APOBEC3F: variants seen among roughly 807,000 people sequenced by gnomAD.
APOBEC3F encodes DNA dC->dU-editing enzyme APOBEC-3F.
A neutral mutation model predicts 45.8 loss-of-function variants in APOBEC3F; 34 were observed. That is an observed-to-expected ratio of 0.74 (90% confidence interval 0.57 to 0.99). The LOEUF (loss-of-function observed/expected upper bound fraction) is 0.99, where lower values mean the gene tolerates loss of function less well. APOBEC3F is among the 50% of genes least tolerant of loss of function. The pLI, the probability that APOBEC3F is intolerant of heterozygous loss-of-function variation, is 0.00. For synonymous variants in APOBEC3F, 192 were observed against 174.4 expected, an observed-to-expected ratio of 1.10 and a Z score of -0.80; for missense variants, 459 against 474.1, an observed-to-expected ratio of 0.97 and a Z score of 0.30.
chr22:39,044,957 A>G lies in APOBEC3F; in HGVS notation c.188A>G (p.Glu63Gly). ...IFRGQVYSQPEHHAEMCFLSW... is the reference protein window; with the variant it reads ...IFRGQVYSQPGHHAEMCFLSW... ...CTCTCCCAGGTGTATTCCCAGCCTG[A>G]GCACCACGCAGAAATGTGCTTCCTC... The change falls in exon 3 of 7, where the codon GAG becomes GGG. Residue 63 changes from glutamate to glycine, a missense_variant. Coordinates refer to ENST00000308521, the MANE Select transcript of APOBEC3F (RefSeq NM_145298.6). 6.2e-7 allele frequency: 1 copy of G among 1,613,612 alleles called. No homozygotes were observed. Among genetic ancestry groups the G allele is most frequent in the Non-Finnish European group, 8.5e-7 (1 of 1,179,940 alleles).
At chr22:39,048,859 C>T (rs1569072012) in intron 4 of APOBEC3F, among the ~76,000 whole-genome samples, 1 of 152,086 alleles carries the variant, frequency 6.6e-6, no homozygotes, top group East Asian at 1.9e-4. Context: ...GTGACACAAG[C>T]TCGTAATCCC....
At chr22:39,043,739 GCT>G in intron 2 of APOBEC3F, among the ~76,000 whole-genome samples, 4 of 151,810 alleles carry the variant, frequency 2.6e-5, no homozygotes, top group African/African-American at 9.7e-5. Context: ...TGTAGGCCAC[GCT>G]TGGTGGGTGG....
At position 39,055,024 on chromosome 22, in the gene APOBEC3F, C is replaced by T. The variant is rs1217324002; in HGVS notation, c.*2329C>T. 1.3e-5 allele frequency among the ~76,000 whole-genome samples: 2 copies of T among 151,784 alleles called. No individual in the cohort carries two copies. The highest frequency in any genetic ancestry group is 2.9e-5 in the Non-Finnish European group (2 of 68,006). ...CCCTTCTGGCTGTGTCCTCTGTGGC[C>T]TTTCCTCTATGAACCTGTACTGTAC... is the stretch of plus-strand genomic sequence containing the variant. On this transcript the variant is annotated 3_prime_UTR_variant, in exon 7 of 7. Coordinates refer to ENST00000308521, the MANE Select transcript of APOBEC3F (RefSeq NM_145298.6).
chr22:39,053,028 C>G lies in APOBEC3F; in HGVS notation c.*333C>G, dbSNP rs1193808888. 1 of 202,086 alleles carries G rather than the reference C, an allele frequency of 4.9e-6. No individual in the cohort carries two copies. The highest frequency in any genetic ancestry group is 5.5e-5 in the Admixed American group (1 of 18,100). The allele number at this position is 202,086 out of a possible 1,614,324, so 12.5% of individuals were successfully genotyped here. ...TTGAGACGGAATTTCGCTCTGTCAC[C>G]CAGACTGGAGTGCAATGGCTTGATC... On this transcript the variant is annotated 3_prime_UTR_variant, in exon 7 of 7. Transcript: ENST00000308521.
chr22:39,044,282 G>A lies in APOBEC3F; in HGVS notation c.172-659G>A, dbSNP rs374666730. 1.2e-4 allele frequency: 188 copies of A among 1,549,544 alleles called. No individual in the cohort carries two copies. The Middle Eastern group carries it at 5.4e-3, about 45-fold the overall frequency. The stretch of plus-strand genomic sequence containing the variant: ...TGGATGCCTGGGAGAATGGATGCCA[G>A]AATTCACGCATGAGGCTCTGAACAG... On this transcript the variant is annotated intron_variant, in intron 2 of 6. Transcript: ENST00000308521.
chr22:39,052,475 C>T (rs1416753217), intron 6 of APOBEC3F, 102 bp from the exon 7 acceptor site: 1 of 1,569,016 alleles, frequency 6.4e-7, no homozygotes, highest in East Asian at 2.2e-5. Flanking sequence ...CGCCAGTGTC[C>T]ACTGCAACTG....
In APOBEC3F at chr22:39,052,891, T is replaced by C; in HGVS notation, c.*196T>C. Reference sequence around the variant, plus strand: ...CAGGCTCTTCCTGCAGAGGCCTCTTTCTGCCTCCATGGCTATCCATCCACC... The same window carrying C: ...CAGGCTCTTCCTGCAGAGGCCTCTTCCTGCCTCCATGGCTATCCATCCACC... On this transcript the variant is annotated 3_prime_UTR_variant, in exon 7 of 7. Coordinates refer to ENST00000308521, the MANE Select transcript of APOBEC3F (RefSeq NM_145298.6). 1 of 1,284,002 alleles carries C rather than the reference T, an allele frequency of 7.8e-7. No individual in the cohort carries two copies. The highest frequency in any genetic ancestry group is 1.0e-6 in the Non-Finnish European group (1 of 990,900). The allele number at this position is 1,284,002 out of a possible 1,614,324, so 79.5% of individuals were successfully genotyped here. A position where few individuals can be genotyped will look rare whatever the true frequency, so the allele number is the denominator to read the frequency against.
chr22:39,045,201 G>T lies in APOBEC3F; in HGVS notation c.432G>T (p.Val144=). Residue 144 remains valine, a synonymous_variant, in exon 3 of 7, where the codon GTG becomes GTT. Transcript: ENST00000308521. ...LCRLSQAGAR[V]KIMDDEEFAY... is the part of the protein sequence containing the mutation. ...GGCTGAGTCAGGCAGGGGCCCGCGT[G>T]AAGATTATGGACGATGAAGGTGAGA... 6.2e-7 allele frequency: 1 copy of T among 1,614,162 alleles called. No individual in the cohort carries two copies. The highest frequency in any genetic ancestry group is 8.5e-7 in the Non-Finnish European group (1 of 1,180,012).
At position 39,043,606 on chromosome 22, in the gene APOBEC3F, G is replaced by A. The variant is rs112213555; in HGVS notation, c.171+516G>A. On this transcript the variant is annotated intron_variant, in intron 2 of 6. Coordinates refer to ENST00000308521, the MANE Select transcript of APOBEC3F (RefSeq NM_145298.6). Reference sequence around the variant, plus strand: ...ATTACAGGTGTGAGCCACAGCGCCGGCCTAATTTTAATATTTAATTAATCC... The same window carrying A: ...ATTACAGGTGTGAGCCACAGCGCCGACCTAATTTTAATATTTAATTAATCC... Among the ~76,000 whole-genome samples the A allele has an allele frequency of 5.7e-3, 864 of 151,312 alleles. 4 individuals are homozygous for A. The highest frequency in any genetic ancestry group is 0.02 in the African/African-American group (827 of 41,268).
intron 4 of APOBEC3F, among the ~76,000 whole-genome samples, chr22:39,047,631 T>G (rs2146346202): frequency 6.6e-6 from 1 of 151,978 alleles, no homozygotes; most frequent in Admixed American, 6.5e-5. Context: ...CCCCTCTGGT[T>G]CCTCTGCTGC....
intron 3 of APOBEC3F, 47 bp downstream of exon 3, chr22:39,045,267 G>C: frequency 6.2e-7 from 1 of 1,600,588 alleles, no homozygotes; most frequent in Non-Finnish European, 8.5e-7. Context: ...GGAACAGCAT[G>C]AAAGATGGAT....
chr22:39,050,113 G>A (rs1485988623), intron 5 of APOBEC3F, among the ~76,000 whole-genome samples: 43 of 151,968 alleles, frequency 2.8e-4, no homozygotes, highest in South Asian at 1.7e-3. Flanking sequence ...AGCGCCCAGC[G>A]CCCTCACTCT....
chr22:39,044,959 C>T lies in APOBEC3F; in HGVS notation c.190C>T (p.His64Tyr), dbSNP rs1216766862. ...CTCCCAGGTGTATTCCCAGCCTGAG[C>T]ACCACGCAGAAATGTGCTTCCTCTC... ...FRGQVYSQPE[H>Y]HAEMCFLSWF... Residue 64 changes from histidine (H) to tyrosine (Y), a missense_variant, in exon 3 of 7, where the codon CAC becomes TAC. Transcript: ENST00000308521. The T allele has an allele frequency of 3.1e-6, 5 of 1,613,956 alleles. No homozygotes were observed. The Admixed American group carries it at 5.0e-5, about 16-fold the overall frequency.
At chr22:39,045,266 T>G in intron 3 of APOBEC3F, 46 bp downstream of exon 3, 1 of 1,600,900 alleles carries the variant, frequency 6.2e-7, no homozygotes, top group Non-Finnish European at 8.5e-7. Context: ...AGGAACAGCA[T>G]GAAAGATGGA....
At chr22:39,046,516 G>C (rs1261297576) in intron 4 of APOBEC3F, among the ~76,000 whole-genome samples, 4 of 152,062 alleles carry the variant, frequency 2.6e-5, no homozygotes, top group Admixed American at 2.6e-4. Flanking sequence ...ACCCAGCCCG[G>C]CCTCTGCTCA....
intron 5 of APOBEC3F, among the ~76,000 whole-genome samples, chr22:39,051,498 C>G (rs983726054): frequency 2.1e-5 from 3 of 145,790 alleles, no homozygotes; most frequent in African/African-American, 7.7e-5. Context: ...GATCGCGCCA[C>G]TGCACTACAG....
Position 39,054,099 on chromosome 22 carries a change from G to A in APOBEC3F, c.*1404G>A, listed in dbSNP as rs575277955. On this transcript the variant is annotated 3_prime_UTR_variant, in exon 7 of 7. Transcript: ENST00000308521. ...GCGGTCTCGGCTCACTGCAACCTCTGCCTCCCTTGTTCAAGTGATTCTCCT... is the reference window on the plus strand; with the variant it reads ...GCGGTCTCGGCTCACTGCAACCTCTACCTCCCTTGTTCAAGTGATTCTCCT... Among the ~76,000 whole-genome samples the A allele has an allele frequency of 9.1e-3, 1,376 of 151,738 alleles. 25 individuals carry two copies. Among genetic ancestry groups the A allele is most frequent in the African/African-American group, 0.031 (1,296 of 41,366 alleles).
chr22:39,045,433 G>T lies in APOBEC3F; in HGVS notation c.457G>T (p.Ala153Ser). 6.2e-7 allele frequency: 1 copy of T among 1,614,114 alleles called. No individual in the cohort carries two copies. The highest frequency in any genetic ancestry group is 8.5e-7 in the Non-Finnish European group (1 of 1,179,992). Residue 153 changes from alanine to serine, a missense_variant, in exon 4 of 7, where the codon GCA becomes TCA. By Grantham distance (99) the Ala-to-Ser change is moderately conservative. Coordinates refer to ENST00000308521, the MANE Select transcript of APOBEC3F (RefSeq NM_145298.6). ...RVKIMDDEEF[A>S]YCWENFVYSE... Reference sequence around the variant, plus strand: ...TTCCTGCCTCTTCGTCTCAGAATTTGCATACTGCTGGGAAAACTTTGTGTA... The same window carrying T: ...TTCCTGCCTCTTCGTCTCAGAATTTTCATACTGCTGGGAAAACTTTGTGTA...
At chr22:39,048,182 C>T (rs1417237234) in intron 4 of APOBEC3F, among the ~76,000 whole-genome samples, 1 of 152,208 alleles carries the variant, frequency 6.6e-6, no homozygotes, top group Non-Finnish European at 1.5e-5. Context: ...CAACAGCTCC[C>T]TCCTGCAGGG....
Sources: gnomAD v4.1 joint callset for allele counts (sites outside exome capture counted in the v4.1 genomes callset) on GRCh38, gnomAD v4.1.1 for gene constraint, MANE v1.5 for transcripts, NCBI Gene and HGNC (gene_info 2026-07-23, HGNC 2026-07-21) for gene names.